The following SMIM35 variants were observed in gnomAD, a reference collection of about 807,000 sequenced individuals.
SMIM35 encodes the protein TMPRSS4 antisense RNA 1 (non-protein coding).
intron 1 of SMIM35, among the ~76,000 whole-genome samples, chr11:118,044,239 C>A (rs1190747895): frequency 1.3e-5 from 2 of 151,440 alleles, no homozygotes; most frequent in African/African-American, 2.4e-5. Context: ...TAAGAATCTA[C>A]CCTAATTGTA....
At chr11:118,035,580 G>C (rs2058353081) in intron 1 of SMIM35, among the ~76,000 whole-genome samples, 1 of 152,174 alleles carries the variant, frequency 6.6e-6, no homozygotes, top group African/African-American at 2.4e-5. Flanking sequence ...GGTGGGGCAT[G>C]CCTGCCCCTG....
chr11:118,030,779 A>G (rs910517259), intron 1 of SMIM35, among the ~76,000 whole-genome samples: 7 of 152,078 alleles, frequency 4.6e-5, no homozygotes, highest in Admixed American at 2.0e-4. Flanking sequence ...GGAGGGTTCT[A>G]GGTGGAGGAT....
intron 1 of SMIM35, chr11:118,077,212 C>T: frequency 6.5e-7 from 1 of 1,529,218 alleles, no homozygotes. Flanking sequence ...TGCTGGCCAG[C>T]CAGGACCTGT....
intron 1 of SMIM35, among the ~76,000 whole-genome samples, chr11:118,026,644 A>G (rs983443681): frequency 2.0e-5 from 3 of 152,254 alleles, no homozygotes; most frequent in South Asian, 4.1e-4. Context: ...GAGGGAAATA[A>G]TGTATCTACC....
Position 118,077,204 on chromosome 11 carries a change from C to G in SMIM35, c.7+9547G>C, listed in dbSNP as rs570728444. On this transcript the variant is annotated intron_variant, in intron 1 of 4. Transcript: ENST00000689828. ...GTGCTGACCAGGGACTTCTGACCTG[C>G]TGGCCAGCCAGGACCTGTGTGGGGA... 5.3e-4 allele frequency: 795 copies of G among 1,508,500 alleles called. 4 individuals are homozygous for G. In the Middle Eastern group the frequency reaches 7.4e-3, roughly 14 times the overall value. 93.4% of individuals were successfully genotyped at this position (1,508,500 alleles called of 1,614,324 possible). A position where few individuals can be genotyped will look rare whatever the true frequency, so the allele number is the denominator to read the frequency against.
At chr11:118,077,408 A>T in intron 1 of SMIM35, 1 of 1,371,966 alleles carries the variant, frequency 7.3e-7, no homozygotes, top group Non-Finnish European at 9.8e-7. Context: ...ATTCTGTGAC[A>T]CCTTCTAGGT....
chr11:118,081,203 AC>A (rs1945099513), intron 1 of SMIM35, among the ~76,000 whole-genome samples: 1 of 152,204 alleles, frequency 6.6e-6, no homozygotes, highest in South Asian at 2.1e-4. Flanking sequence ...AACAAGGCTC[AC>A]CCGAAGTCCA....
At chr11:118,019,930 A>G (rs2058212085) in intron 1 of SMIM35, among the ~76,000 whole-genome samples, 4 of 152,192 alleles carry the variant, frequency 2.6e-5, no homozygotes, top group Admixed American at 6.5e-5. Flanking sequence ...TAGACATGTA[A>G]TGACAAACAC....
intron 1 of SMIM35, among the ~76,000 whole-genome samples, chr11:118,042,696 G>A (rs939277725): frequency 2.6e-5 from 4 of 152,256 alleles, no homozygotes; most frequent in Middle Eastern, 6.8e-3. Context: ...GAATATGGAC[G>A]CAAAAATCCT....
intron 1 of SMIM35, among the ~76,000 whole-genome samples, chr11:118,018,536 G>A (rs1035309271): frequency 6.6e-6 from 1 of 152,218 alleles, no homozygotes; most frequent in East Asian, 1.9e-4. Flanking sequence ...CTAAGGGTTA[G>A]TGACTCACAG....
At chr11:118,068,496 T>G (rs1018115909) in intron 1 of SMIM35, among the ~76,000 whole-genome samples, 1 of 152,122 alleles carries the variant, frequency 6.6e-6, no homozygotes, top group Non-Finnish European at 1.5e-5. Flanking sequence ...TCGTAAACGT[T>G]GGATGAAGGA....
intron 1 of SMIM35, among the ~76,000 whole-genome samples, chr11:118,037,480 C>A (rs1386204332): frequency 6.6e-6 from 1 of 152,190 alleles, no homozygotes; most frequent in Non-Finnish European, 1.5e-5. Flanking sequence ...TGTTTTGAAG[C>A]TCCCCTGCTC....
At chr11:118,011,123 G>A (rs779898627) in intron 4 of SMIM35, among the ~76,000 whole-genome samples, 1 of 152,184 alleles carries the variant, frequency 6.6e-6, no homozygotes, top group Non-Finnish European at 1.5e-5. Flanking sequence ...GGGACAGAGG[G>A]TGCGTCAGAG....
At chr11:118,029,831 C>T (rs879098378) in intron 1 of SMIM35, 6 of 456,606 alleles carry the variant, frequency 1.3e-5, no homozygotes, top group South Asian at 3.1e-5. Context: ...CCTTTGTTTC[C>T]GCAGTCTTAA....
At chr11:118,028,616 G>A (rs1236503997) in intron 1 of SMIM35, 1 of 230,252 alleles carries the variant, frequency 4.3e-6, no homozygotes, top group Non-Finnish European at 8.8e-6. Flanking sequence ...GGGAAACTTG[G>A]GTTTTCAGTT....
intron 1 of SMIM35, among the ~76,000 whole-genome samples, chr11:118,049,162 CA>C (rs1308660453): frequency 6.6e-6 from 1 of 151,870 alleles, no homozygotes; most frequent in Non-Finnish European, 1.5e-5. Flanking sequence ...ACTGCCCTGG[CA>C]CCAGGGACCA....
At chr11:118,078,013 CAAAAAAAAAAAAAAAAAA>C (rs148383275) in intron 1 of SMIM35, among the ~76,000 whole-genome samples, 2 of 71,050 alleles carry the variant, frequency 2.8e-5, no homozygotes, top group Non-Finnish European at 5.0e-5. Flanking sequence ...AACTCCGTCT[CAAAAAAAAAAAAAAAAAA>C]AAAAAAAAAA....
Position 118,028,936 on chromosome 11 carries a change from AGAG to A in SMIM35, c.8-13130_8-13128del, listed in dbSNP as rs201691635. 8.5e-3 allele frequency: 3,556 copies of A among 419,624 alleles called. 31 individuals carry two copies. The highest frequency in any genetic ancestry group is 0.013 in the Non-Finnish European group (2,659 of 212,262). 26.0% of individuals were successfully genotyped at this position (419,624 alleles called of 1,614,324 possible). On this transcript the variant is annotated intron_variant, in intron 1 of 4. Transcript: ENST00000689828. ...GAGGAGGAGGGGAAAAATAAGAGGA[AGAG>A]GAGGAGGAGGAGAAATTCGTGGCTA...
At chr11:118,054,147 GT>G (rs1944269336) in intron 1 of SMIM35, among the ~76,000 whole-genome samples, 1 of 141,188 alleles carries the variant, frequency 7.1e-6, no homozygotes, top group African/African-American at 2.7e-5. Context: ...GGTTTTGGGG[GT>G]TTTTGGGATT....
Sources: gnomAD v4.1 joint callset for allele counts (sites outside exome capture counted in the v4.1 genomes callset) on GRCh38, gnomAD v4.1.1 for gene constraint, MANE v1.5 for transcripts, NCBI Gene and HGNC (gene_info 2026-07-23, HGNC 2026-07-21) for gene names.